ZNF497: variants seen among roughly 807,000 people sequenced by gnomAD.
ZNF497 encodes zinc finger-like protein.
For synonymous variants in ZNF497, 422 were observed against 313.7 expected, an observed-to-expected ratio of 1.35 and a Z score of -3.65; for missense variants, 930 against 714.0, an observed-to-expected ratio of 1.30 and a Z score of -3.45.
At chr19:58,357,816 G>A (rs754062960) in intron 2 of ZNF497, 167 bp from the exon 3 acceptor site, 121 of 1,202,662 alleles carry the variant, frequency 1.0e-4, no homozygotes, top group Non-Finnish European at 1.3e-4. Context: ...CCAGCAGGCG[G>A]GCTAGACACT....
chr19:58,358,765 A>G (rs1176541794), intron 1 of ZNF497, 180 bp from the exon 2 acceptor site: 1 of 459,286 alleles, frequency 2.2e-6, no homozygotes, highest in Non-Finnish European at 4.4e-6. Context: ...AAGACCACCA[A>G]ACTCCCACCT....
chr19:58,357,833 ATGGGCCAGCACTCTGGGCC>A, intron 2 of ZNF497, 184 bp from the exon 3 acceptor site: 3 of 1,236,102 alleles, frequency 2.4e-6, no homozygotes, highest in Non-Finnish European at 3.2e-6. Flanking sequence ...CACTCGGGGG[ATGGGCCAGCACTCTGGGCC>A]TGCCTGACAG....
At chr19:58,362,050 CCTTT>C (rs1312737021) in intron 1 of ZNF497, among the ~76,000 whole-genome samples, 4 of 152,208 alleles carry the variant, frequency 2.6e-5, no homozygotes, top group East Asian at 1.9e-4. Flanking sequence ...CGCTGCGTGC[CCTTT>C]CTGAGCCTCA....
intron 2 of ZNF497, chr19:58,357,948 G>C (rs1172195297): frequency 1.5e-6 from 2 of 1,315,778 alleles, no homozygotes; most frequent in East Asian, 3.3e-5. Context: ...AGTTGCCCAC[G>C]CACCTGCACT....
In ZNF497 at chr19:58,357,593, C is replaced by T; in HGVS notation, c.43G>A (p.Glu15Lys). 6.4e-7 allele frequency: 1 copy of T among 1,563,950 alleles called. No individual in the cohort carries two copies. The highest frequency in any genetic ancestry group is 8.6e-7 in the Non-Finnish European group (1 of 1,158,158). ...TTCACATTGCAGAGGACCTGGCCTT[C>T]CTCTGGGGCCACCTGCAGGGTCCAC... ...RGWTLQVAPEEGQVLCNVKTA... is the reference protein window; with the variant it reads ...RGWTLQVAPEKGQVLCNVKTA... The change falls in exon 3 of 3, where the codon GAA becomes AAA. Residue 15 changes from glutamate to lysine, a missense_variant. Glu to Lys is a moderately conservative substitution (Grantham distance 56). Transcript: ENST00000311044.
Position 58,357,282 on chromosome 19 carries a change from G to A in ZNF497, c.354C>T (p.Gly118=). ...CGECGKAFSQ[G]SYLLQHRRVH... ...CGCGCCGATGCTGCAGCAAGTAAGA[G>A]CCCTGGCTGAACGCCTTGCCGCACT... Residue 118 remains glycine (G), a synonymous_variant, in exon 3 of 3, where the codon GGC becomes GGT. Transcript: ENST00000311044. 6.2e-7 allele frequency: 1 copy of A among 1,612,424 alleles called. No homozygotes were observed. Among genetic ancestry groups the A allele is most frequent in the South Asian group, 1.1e-5 (1 of 90,948 alleles).
intron 2 of ZNF497, 59 bp from the exon 3 acceptor site, chr19:58,357,708 G>A: frequency 6.9e-7 from 1 of 1,445,866 alleles, no homozygotes; most frequent in South Asian, 1.5e-5. Context: ...CAGACAGAGG[G>A]CCTGAGGGGG....
At chr19:58,358,667 C>T in intron 1 of ZNF497, 82 bp from the exon 2 acceptor site, 1 of 642,934 alleles carries the variant, frequency 1.6e-6, no homozygotes, top group Non-Finnish European at 2.4e-6. Context: ...GGTGGCATGA[C>T]CCACCCTTCT....
At chr19:58,361,003 C>T (rs1214605977) in intron 1 of ZNF497, among the ~76,000 whole-genome samples, 1 of 151,776 alleles carries the variant, frequency 6.6e-6, no homozygotes, top group Non-Finnish European at 1.5e-5. Flanking sequence ...AGGATGGTCT[C>T]GATCTCCTGA....
At chr19:58,361,301 T>A (rs886111869) in intron 1 of ZNF497, among the ~76,000 whole-genome samples, 1 of 152,212 alleles carries the variant, frequency 6.6e-6, no homozygotes, top group Non-Finnish European at 1.5e-5. Context: ...AACACGGGGA[T>A]CCTTCGTGAT....
chr19:58,359,193 C>A, intron 1 of ZNF497: 1 of 1,290,962 alleles, frequency 7.7e-7, no homozygotes, highest in South Asian at 1.2e-5. Flanking sequence ...CTGGGCTCAC[C>A]CACCATCAGT....
chr19:58,360,580 A>G (rs1260073564), intron 1 of ZNF497, among the ~76,000 whole-genome samples: 1 of 151,524 alleles, frequency 6.6e-6, no homozygotes, highest in African/African-American at 2.4e-5. Context: ...CCAGGCTGGA[A>G]TGAAGTGGCG....
intron 1 of ZNF497, chr19:58,359,112 C>G: frequency 9.1e-7 from 1 of 1,101,346 alleles, no homozygotes; most frequent in Non-Finnish European, 1.2e-6. Context: ...CGCAGCTGAG[C>G]CAGGGCCCCT....
chr19:58,358,657 G>A (rs1044677838), intron 1 of ZNF497, 72 bp from the exon 2 acceptor site: 39 of 780,070 alleles, frequency 5.0e-5, no homozygotes, highest in African/African-American at 4.5e-4. Flanking sequence ...AGGGGCATGC[G>A]GTGGCATGAC....
At chr19:58,359,106 G>C (rs2052062517) in intron 1 of ZNF497, 1 of 1,044,928 alleles carries the variant, frequency 9.6e-7, no homozygotes, top group South Asian at 1.3e-5. Flanking sequence ...AGCTCACGCA[G>C]CTGAGCCAGG....
Position 58,356,048 on chromosome 19 carries a change from C to T in ZNF497, c.*91G>A. On this transcript the variant is annotated 3_prime_UTR_variant, in exon 3 of 3. Transcript: ENST00000311044. ...GCAGGAGGGCGCCCGCACCGGCGGC[C>T]CGAAAAAGTCTGGGCCAGCAGACAG... is the stretch of plus-strand genomic sequence containing the variant. 7.1e-7 allele frequency: 1 copy of T among 1,402,584 alleles called. No individual in the cohort carries two copies. Among genetic ancestry groups the T allele is most frequent in the Non-Finnish European group, 9.3e-7 (1 of 1,071,260 alleles). 86.9% of individuals were successfully genotyped at this position (1,402,584 alleles called of 1,614,324 possible). A position where few individuals can be genotyped will look rare whatever the true frequency, so the allele number is the denominator to read the frequency against.
At chr19:58,359,773 G>C (rs1257121655) in intron 1 of ZNF497, among the ~76,000 whole-genome samples, 1 of 152,116 alleles carries the variant, frequency 6.6e-6, no homozygotes, top group African/African-American at 2.4e-5. Context: ...GCAATTCCAA[G>C]ACCAGCCTGG....
In ZNF497 at chr19:58,356,603, G is replaced by C; in HGVS notation, c.1033C>G (p.Leu345Val). The C allele has an allele frequency of 6.5e-7, 1 of 1,538,394 alleles. No individual in the cohort carries two copies. The highest frequency in any genetic ancestry group is 1.2e-5 in the South Asian group (1 of 84,228). Reference protein sequence around the residue: ...CGQAFVMGSYLAEHRRVHTGE... With the variant: ...CGQAFVMGSYVAEHRRVHTGE... ...GTGTGCACGCGCCGGTGCTCCGCCA[G>C]GTAGGAGCCCATGACGAAAGCCTGG... Residue 345 changes from leucine (L) to valine (V), a missense_variant, in exon 3 of 3, where the codon CTG (leucine) becomes GTG (valine). Coordinates refer to ENST00000311044, the MANE Select transcript of ZNF497 (RefSeq NM_198458.3).
chr19:58,358,773 CCT>C, intron 1 of ZNF497, 188 bp from the exon 2 acceptor site: 1 of 458,754 alleles, frequency 2.2e-6, no homozygotes, highest in South Asian at 1.5e-5. Context: ...CAAACTCCCA[CCT>C]GTCACCATCA....
Sources: allele counts gnomAD v4.1 joint callset (sites outside exome capture counted in the v4.1 genomes callset), GRCh38; gene constraint gnomAD v4.1.1; transcripts MANE v1.5; gene names NCBI Gene and HGNC (gene_info 2026-07-23, HGNC 2026-07-21).